The following RELL1 variants were observed in gnomAD, a reference collection of about 807,000 sequenced individuals.
RELL1 encodes the protein RELT like 1.
Under a neutral mutation model 23.0 loss-of-function variants are expected in RELL1, and 10 were observed. That is an observed-to-expected ratio of 0.43 (90% CI 0.27 to 0.74). RELL1 has a LOEUF of 0.74. RELL1 is among the 30% of genes least tolerant of loss of function. The probability of loss-of-function intolerance (pLI) is 0.19; values close to 1 mark genes in which losing one functional copy is unlikely to be tolerated. For missense variants in RELL1, 315 were observed against 364.4 expected, an observed-to-expected ratio of 0.86 and a Z score of 1.10; for synonymous variants, 146 against 146.8, an observed-to-expected ratio of 0.99 and a Z score of 0.04.
At chr4:37,633,365 C>T (rs1035307950) in intron 5 of RELL1, among the ~76,000 whole-genome samples, 1 of 126,350 alleles carries the variant, frequency 7.9e-6, no homozygotes, top group Admixed American at 1.0e-4. Flanking sequence ...GCCGAGTTCA[C>T]ACCACTGCAC....
chr4:37,586,687 A>G (rs921099151), downstream of RELL1, among the ~76,000 whole-genome samples: 3 of 152,232 alleles, frequency 2.0e-5, no homozygotes, highest in Admixed American at 6.5e-5. Context: ...AGGTGGATGG[A>G]TCACCTGAGG....
At chr4:37,591,264 A>C in intron 6 of RELL1, 1 of 355,362 alleles carries the variant, frequency 2.8e-6, no homozygotes, top group Admixed American at 4.4e-5. Flanking sequence ...TCCACAGAAA[A>C]TGCAGAAGTT....
chr4:37,598,252 CAA>C (rs56142508), intron 6 of RELL1, among the ~76,000 whole-genome samples: 5 of 11,340 alleles, frequency 4.4e-4, no homozygotes, highest in South Asian at 1.8e-3. Context: ...AACTCTGTCT[CAA>C]AAAAAAAAAA....
chr4:37,589,085 C>T (rs899298933), downstream of RELL1, among the ~76,000 whole-genome samples: 4 of 152,106 alleles, frequency 2.6e-5, no homozygotes, highest in African/African-American at 7.2e-5. Context: ...ATTTTTTTAA[C>T]TTTTTTTGCT....
intron 1 of RELL1, among the ~76,000 whole-genome samples, chr4:37,680,394 C>T (rs1560362677): frequency 6.6e-6 from 1 of 152,130 alleles, no homozygotes; most frequent in Admixed American, 6.5e-5. Flanking sequence ...GTTTCATGCA[C>T]AGAGGCATTC....
chr4:37,680,257 T>C (rs1200628731), intron 1 of RELL1, among the ~76,000 whole-genome samples: 1 of 152,068 alleles, frequency 6.6e-6, no homozygotes, highest in Non-Finnish European at 1.5e-5. Context: ...TGTGAGAATG[T>C]AACCTGGGAT....
intron 6 of RELL1, among the ~76,000 whole-genome samples, chr4:37,592,528 C>G (rs897284238): frequency 6.6e-6 from 1 of 152,130 alleles, no homozygotes; most frequent in Non-Finnish European, 1.5e-5. Context: ...CCTTCTAATT[C>G]ACTGAAACAA....
intron 1 of RELL1, among the ~76,000 whole-genome samples, chr4:37,670,092 T>TA (rs960748100): frequency 2.3e-4 from 34 of 150,682 alleles, no homozygotes; most frequent in South Asian, 4.2e-4. Context: ...AGGAACCTGT[T>TA]AAAAAAAATA....
intron 3 of RELL1, among the ~76,000 whole-genome samples, chr4:37,643,428 A>C (rs924566013): frequency 6.6e-6 from 1 of 152,234 alleles, no homozygotes; most frequent in South Asian, 2.1e-4. Context: ...CCATTTGCCA[A>C]ACTTAAAATG....
chr4:37,669,181 TGGGGGG>T (rs533323150), intron 1 of RELL1, among the ~76,000 whole-genome samples: 1 of 80,968 alleles, frequency 1.2e-5, no homozygotes, highest in African/African-American at 7.1e-5. Flanking sequence ...GGGAGGGAGG[TGGGGGG>T]GGGGGTCAGC....
rs1719137759 is a variant in RELL1, at chr4:37,604,882, C to CACACACACACAT, written c.*4-13666_*4-13665insATGTGTGTGTGT. ...ACACACACAGACACACACACACATA[C>CACACACACACAT]ACACAGACACACACACAGACACACA... is the stretch of plus-strand genomic sequence containing the variant. On this transcript the variant is annotated intron_variant, in intron 6 of 6. Transcript: ENST00000314117. Among the ~76,000 whole-genome samples, 31 of 88,574 alleles carry CACACACACACAT rather than the reference C, an allele frequency of 3.5e-4. 2 individuals are homozygous for CACACACACACAT. The South Asian group carries it at 0.013, about 38-fold the overall frequency. The allele number at this position is 88,574 out of a possible 152,430, so 58.1% of individuals were successfully genotyped here.
At chr4:37,683,956 C>T (rs1560364824) in intron 1 of RELL1, among the ~76,000 whole-genome samples, 1 of 151,942 alleles carries the variant, frequency 6.6e-6, no homozygotes, top group Non-Finnish European at 1.5e-5. Context: ...TGGCGGGCGC[C>T]TGTAGTCCCA....
intron 1 of RELL1, among the ~76,000 whole-genome samples, chr4:37,673,793 T>C (rs1025181969): frequency 6.6e-6 from 1 of 152,136 alleles, no homozygotes; most frequent in African/African-American, 2.4e-5. Context: ...TGGAAATGCA[T>C]GGGGGCCTCT....
At chr4:37,605,887 AAGAG>A (rs200645888), downstream of RELL1, among the ~76,000 whole-genome samples, 21 of 139,570 alleles carry the variant, frequency 1.5e-4, 1 homozygote, top group Middle Eastern at 7.1e-3. Context: ...GAAGGAAAGA[AAGAG>A]AAAGAAAGGA....
intron 1 of RELL1, among the ~76,000 whole-genome samples, chr4:37,658,077 T>C (rs982565690): frequency 2.6e-5 from 4 of 152,010 alleles, no homozygotes; most frequent in East Asian, 3.9e-4. Flanking sequence ...GAGGAAGCAA[T>C]GACATCTGTT....
At chr4:37,666,397 C>A (rs771292936) in intron 1 of RELL1, among the ~76,000 whole-genome samples, 1 of 152,166 alleles carries the variant, frequency 6.6e-6, no homozygotes, top group Non-Finnish European at 1.5e-5. Context: ...AGCTGTGAAG[C>A]CCCAGGCAAG....
downstream of RELL1, among the ~76,000 whole-genome samples, chr4:37,607,115 G>A (rs1257200162): frequency 1.3e-5 from 2 of 152,180 alleles, no homozygotes; most frequent in African/African-American, 4.8e-5. Flanking sequence ...GTACATTCGA[G>A]TGTCAAGATC....
intron 6 of RELL1, among the ~76,000 whole-genome samples, chr4:37,603,606 G>C (rs565398854): frequency 1.3e-5 from 2 of 152,200 alleles, no homozygotes; most frequent in African/African-American, 4.8e-5. Flanking sequence ...AGGGTTCCCC[G>C]CCTTTTGGGG....
chr4:37,637,275 C>T (rs866260183), intron 4 of RELL1, among the ~76,000 whole-genome samples: 1 of 152,224 alleles, frequency 6.6e-6, no homozygotes, highest in African/African-American at 2.4e-5. Flanking sequence ...TTCTGAGTTA[C>T]CTTTCTAAAA....
Sources: gnomAD v4.1 joint callset for allele counts (sites outside exome capture counted in the v4.1 genomes callset) on GRCh38, gnomAD v4.1.1 for gene constraint, MANE v1.5 for transcripts, NCBI Gene and HGNC (gene_info 2026-07-23, HGNC 2026-07-21) for gene names.